The following DYNC2H1 variants were observed in gnomAD, a reference collection of about 807,000 sequenced individuals.
DYNC2H1 encodes the protein dynein cytoplasmic 2 heavy chain 1.
Under a neutral mutation model 570.0 loss-of-function variants are expected in DYNC2H1, and 410 were observed. That is an observed-to-expected ratio of 0.72 (90% CI 0.66 to 0.78). DYNC2H1 has a LOEUF of 0.78. Among genes scored for constraint, DYNC2H1 ranks in the 30% least tolerant of loss-of-function variants. DYNC2H1 has a pLI of 0.00. For missense variants in DYNC2H1, 4,865 were observed against 5,046.4 expected, an observed-to-expected ratio of 0.96 and a Z score of 1.09; for synonymous variants, 1,688 against 1,677.6, an observed-to-expected ratio of 1.01 and a Z score of -0.15.
rs779499164 is a variant in DYNC2H1 at position 103,153,469 on chromosome 11, T to C, written c.3263T>C (p.Ile1088Thr). The C allele has an allele frequency of 4.5e-6, 7 of 1,568,114 alleles. No individual in the cohort carries two copies. The highest frequency in any genetic ancestry group is 6.0e-6 in the Non-Finnish European group (7 of 1,158,496). Residue 1088 changes from isoleucine (I) to threonine (T), a missense_variant, in exon 22 of 89, where the codon ATT (isoleucine) becomes ACT (threonine). Ile to Thr is a moderately conservative substitution (Grantham distance 89). Coordinates refer to ENST00000375735, the MANE Select transcript of DYNC2H1 (RefSeq NM_001377.3). Reference sequence around the variant, plus strand: ...GCAAAGTTAATAAAAGAGAAAAAAATTGAGTTTGATGATCTTGAAGTCACA... The same window carrying C: ...GCAAAGTTAATAAAAGAGAAAAAAACTGAGTTTGATGATCTTGAAGTCACA... ...KSAKLIKEKK[I>T]EFDDLEVTRK... is the part of the protein sequence containing the mutation.
chr11:103,455,645 C>T (rs746892925), intron 86 of DYNC2H1, among the ~76,000 whole-genome samples: 1 of 152,132 alleles, frequency 6.6e-6, no homozygotes, highest in African/African-American at 2.4e-5. Context: ...TTCAGTAACT[C>T]TAACCACATT....
At chr11:103,411,446 G>T (rs1196138197) in intron 84 of DYNC2H1, among the ~76,000 whole-genome samples, 2 of 150,680 alleles carry the variant, frequency 1.3e-5, no homozygotes, top group East Asian at 4.0e-4. Flanking sequence ...AGCCGTTGAG[G>T]TACTCATGAT....
intron 50 of DYNC2H1, 135 bp downstream of exon 50, chr11:103,200,289 A>G (rs986567742): frequency 4.9e-6 from 3 of 613,738 alleles, no homozygotes; most frequent in Non-Finnish European, 8.4e-6. Flanking sequence ...ATGGTGTTAA[A>G]CATGCTCATG....
At chr11:103,213,787 A>G (rs1187317013) in intron 54 of DYNC2H1, among the ~76,000 whole-genome samples, 1 of 151,792 alleles carries the variant, frequency 6.6e-6, no homozygotes, top group Non-Finnish European at 1.5e-5. Context: ...TTGTTTATTC[A>G]CTCTGTTAAT....
intron 75 of DYNC2H1, among the ~76,000 whole-genome samples, chr11:103,292,939 A>G (rs935175016): frequency 5.9e-5 from 9 of 152,328 alleles, no homozygotes; most frequent in African/African-American, 2.2e-4. Context: ...TTATAGCGAC[A>G]CAGGAATGCC....
Position 103,129,130 on chromosome 11 carries a change from T to G in DYNC2H1, c.1953+125T>G. ...TAGATTTTGTTTTGCTTCCAGGGAC[T>G]TCCTTCAATCTTAGCAAGTAAAATT... On this transcript the variant is annotated intron_variant, in intron 13 of 88. Coordinates refer to ENST00000375735, the MANE Select transcript of DYNC2H1 (RefSeq NM_001377.3). The surrounding 1 kb of genome is among the most constrained non-coding windows in gnomAD (Gnocchi z 4.1). 4.2e-6 allele frequency: 3 copies of G among 714,864 alleles called. No individual in the cohort carries two copies. Among genetic ancestry groups the G allele is most frequent in the Non-Finnish European group, 6.7e-6 (3 of 450,662 alleles). The allele number at this position is 714,864 out of a possible 1,614,324, so 44.3% of individuals were successfully genotyped here.
At chr11:103,316,480 GATAC>G (rs1937848668) in intron 79 of DYNC2H1, 61 bp from the exon 80 acceptor site, 2 of 1,095,352 alleles carry the variant, frequency 1.8e-6, no homozygotes, top group Non-Finnish European at 2.6e-6. Flanking sequence ...TAAAGACAGT[GATAC>G]ATACATATAT....
In DYNC2H1 at chr11:103,259,969, CTATT is replaced by C; in HGVS notation, c.10690_10693del (p.Phe3564ArgfsTer5). 6.7e-7 allele frequency: 1 copy of C among 1,483,130 alleles called. No individual in the cohort carries two copies. The highest frequency in any genetic ancestry group is 2.7e-5 in the East Asian group (1 of 37,060). The allele number at this position is 1,483,130 out of a possible 1,614,324, so 91.9% of individuals were successfully genotyped here. ...GGTATATGAATATATATGTCGTTGTCTATTTAAGGTAAGAAGCATCATATTTTTC... is the reference window on the plus strand; with the variant it reads ...GGTATATGAATATATATGTCGTTGTCTAAGGTAAGAAGCATCATATTTTTC... On this transcript the variant is annotated frameshift_variant, in exon 70 of 89. Coordinates refer to ENST00000375735, the MANE Select transcript of DYNC2H1 (RefSeq NM_001377.3). LOFTEE classifies it high-confidence loss of function.
chr11:103,169,333 T>C (rs1861472497), intron 32 of DYNC2H1, among the ~76,000 whole-genome samples: 1 of 152,184 alleles, frequency 6.6e-6, no homozygotes. Flanking sequence ...ATTTTAAATA[T>C]GCTAAAATGT....
At chr11:103,306,691 C>T (rs770989549) in intron 77 of DYNC2H1, among the ~76,000 whole-genome samples, 34 of 152,036 alleles carry the variant, frequency 2.2e-4, no homozygotes, top group East Asian at 1.9e-4. Flanking sequence ...CTACATTTCA[C>T]GTGATATTAA....
At chr11:103,386,450 C>CCACACACACA (rs111771901) in intron 83 of DYNC2H1, among the ~76,000 whole-genome samples, 1,833 of 150,796 alleles carry the variant, frequency 0.012, 14 homozygotes, top group Middle Eastern at 0.059. Flanking sequence ...TTAAAACACA[C>CCACACACACA]CACACACACA....
At chr11:103,191,217 T>A (rs2082550164) in intron 45 of DYNC2H1, among the ~76,000 whole-genome samples, 1 of 151,820 alleles carries the variant, frequency 6.6e-6, no homozygotes, top group African/African-American at 2.4e-5. Context: ...TTTTTATATT[T>A]TTTTTAGAGA....
chr11:103,408,536 T>A (rs899616478), intron 84 of DYNC2H1, among the ~76,000 whole-genome samples: 1 of 152,008 alleles, frequency 6.6e-6, no homozygotes, highest in Non-Finnish European at 1.5e-5. Flanking sequence ...TAGGCCCTAT[T>A]TCTCTTGTCC....
In DYNC2H1 at chr11:103,305,186, T is replaced by C. The variant is rs1316185131; in HGVS notation, c.11382+466T>C. ...ACAGGACAAGTCACTGGATGGGCTT[T>C]ACATGCAAACCTAGATTTTATTCTA... On this transcript the variant is annotated intron_variant, in intron 77 of 88. Transcript: ENST00000375735. This position sits in a 1 kb window ranked among gnomAD's most constrained non-coding sequence, Gnocchi z 4.3. Among the ~76,000 whole-genome samples, 1 of 152,198 alleles carries C rather than the reference T, an allele frequency of 6.6e-6. No individual in the cohort carries two copies. Among genetic ancestry groups the C allele is most frequent in the African/African-American group, 2.4e-5 (1 of 41,446 alleles).
intron 59 of DYNC2H1, among the ~76,000 whole-genome samples, chr11:103,224,913 T>C (rs1863744571): frequency 6.6e-6 from 1 of 152,164 alleles, no homozygotes; most frequent in African/African-American, 2.4e-5. Flanking sequence ...CCAACATCTA[T>C]ACTTTTTTAA....
chr11:103,261,838 C>T lies in DYNC2H1; in HGVS notation c.10695+1861C>T, dbSNP rs753027929. Reference sequence around the variant, plus strand: ...TTGCCAGCAAGGGAACAAAACTGGACGGAGAATGAGTTTGATGAACTGACA... The same window carrying T: ...TTGCCAGCAAGGGAACAAAACTGGATGGAGAATGAGTTTGATGAACTGACA... On this transcript the variant is annotated intron_variant, in intron 70 of 88. Coordinates refer to ENST00000375735, the MANE Select transcript of DYNC2H1 (RefSeq NM_001377.3). This position sits in a 1 kb window ranked among gnomAD's most constrained non-coding sequence, Gnocchi z 4.8. Among the ~76,000 whole-genome samples, 33 of 151,906 alleles carry T rather than the reference C, an allele frequency of 2.2e-4. No individual in the cohort carries two copies. The highest frequency in any genetic ancestry group is 3.9e-4 in the African/African-American group (16 of 41,404).
rs1269113371 is a variant in DYNC2H1 at position 103,253,350 on chromosome 11, T to A, written c.10108T>A (p.Leu3370Met). 6.8e-6 allele frequency: 11 copies of A among 1,613,360 alleles called. No individual in the cohort carries two copies. The highest frequency in any genetic ancestry group is 9.3e-6 in the Non-Finnish European group (11 of 1,179,566). ...IDYNEEFRLF[L>M]STRNPNPFIP... ...CTACAATGAAGAATTCCGCCTCTTTTTGTCAACAAGAAACCCAAATCCTTT... is the reference window on the plus strand; with the variant it reads ...CTACAATGAAGAATTCCGCCTCTTTATGTCAACAAGAAACCCAAATCCTTT... The change falls in exon 66 of 89, where the codon TTG becomes ATG. Residue 3370 changes from leucine (L) to methionine (M), a missense_variant. This residue lies in a region of DYNC2H1 where 2,401 missense variants were observed against 2,454.6 expected (regional missense o/e 0.98). Transcript: ENST00000375735.
At chr11:103,302,509 A>G (rs1257546729) in intron 75 of DYNC2H1, among the ~76,000 whole-genome samples, 1 of 152,094 alleles carries the variant, frequency 6.6e-6, no homozygotes, top group African/African-American at 2.4e-5. Flanking sequence ...ACTGACAGCT[A>G]TGTACTTCTG....
At position 103,219,914 on chromosome 11, in the gene DYNC2H1, G is replaced by T; in HGVS notation, c.8833-1G>T. On this transcript the variant is annotated splice_acceptor_variant, in intron 55 of 88. Coordinates refer to ENST00000375735, the MANE Select transcript of DYNC2H1 (RefSeq NM_001377.3). LOFTEE classifies it high-confidence loss of function. The stretch of plus-strand genomic sequence containing the variant: ...GGAATGCCACTTAAATATTCTTATA[G>T]GATGCTAGTGAGCAAAAAACAGAAC... The T allele has an allele frequency of 6.7e-7, 1 of 1,500,590 alleles. No individual in the cohort carries two copies. The highest frequency in any genetic ancestry group is 2.4e-5 in the Admixed American group (1 of 40,928). The allele number at this position is 1,500,590 out of a possible 1,614,324, so 93.0% of individuals were successfully genotyped here.
Sources: gnomAD v4.1 joint callset for allele counts (sites outside exome capture counted in the v4.1 genomes callset) on GRCh38, gnomAD v4.1.1 for gene constraint, gnomAD v4.1.1 regional missense constraint, Gnocchi (gnomAD v3.1) non-coding constraint, MANE v1.5 for transcripts, NCBI Gene and HGNC (gene_info 2026-07-23, HGNC 2026-07-21) for gene names.